Variants in BBOX1 observed in about 807,000 individuals in gnomAD.
The protein encoded by BBOX1 is gamma-butyrobetaine dioxygenase.
BBOX1 carries 35 observed loss-of-function variants against 41.6 expected under a neutral mutation model. The ratio of observed to expected loss-of-function variants is 0.84; its 90% CI spans 0.64 to 1.11. The LOEUF is 1.11. Ranked by LOEUF, BBOX1 falls within the 50% of genes most tolerant of loss-of-function variation. BBOX1 has a pLI of 0.00. For missense variants in BBOX1, 458 were observed against 460.6 expected (o/e 0.99, Z 0.05); for synonymous variants, 163 against 154.7 (o/e 1.05, Z -0.40).
chr11:27,077,802 A>C (rs1857686090), intron 4 of BBOX1, among the ~76,000 whole-genome samples: 1 of 151,956 alleles, frequency 6.6e-6, no homozygotes, highest in South Asian at 2.1e-4. Flanking sequence ...TTATGGAGGG[A>C]AAGATTATAT....
chr11:27,091,514 T>G (rs1238444300), intron 4 of BBOX1, among the ~76,000 whole-genome samples: 1 of 151,966 alleles, frequency 6.6e-6, no homozygotes, highest in African/African-American at 2.4e-5. Context: ...CTGTTATTGA[T>G]TTAACCAACT....
At chr11:27,116,431 C>A (rs1859263671) in intron 6 of BBOX1, among the ~76,000 whole-genome samples, 1 of 151,156 alleles carries the variant, frequency 6.6e-6, no homozygotes, top group South Asian at 2.1e-4. Flanking sequence ...ATGTAACAAA[C>A]CTGCACATTC....
chr11:27,123,274 CT>C (rs1249072604), intron 7 of BBOX1, among the ~76,000 whole-genome samples: 3 of 151,750 alleles, frequency 2.0e-5, no homozygotes, highest in Non-Finnish European at 2.9e-5. Flanking sequence ...AAATGAAAGC[CT>C]AATCTAGTAT....
At position 27,110,503 on chromosome 11, in the gene BBOX1, CA is replaced by C. The variant is rs553483387; in HGVS notation, c.534-4946del. Among the ~76,000 whole-genome samples, 357 of 152,096 alleles carry C rather than the reference CA, an allele frequency of 2.3e-3. 3 individuals are homozygous for C. Among genetic ancestry groups the C allele is most frequent in the South Asian group, 0.016 (79 of 4,828 alleles). ...ACCTTGTTCTGCCCTTGTTCTTCCA[CA>C]AATACACTAAACATACTCCGAACTC... On this transcript the variant is annotated intron_variant, in intron 5 of 8. Transcript: ENST00000263182.
chr11:27,070,416 A>AT (rs1857406483), intron 4 of BBOX1, among the ~76,000 whole-genome samples: 1 of 152,076 alleles, frequency 6.6e-6, no homozygotes, highest in African/African-American at 2.4e-5. Flanking sequence ...TCTAACAGTA[A>AT]TTGTTTTATA....
At chr11:27,047,568 C>G (rs950071617) in intron 2 of BBOX1, among the ~76,000 whole-genome samples, 2 of 151,944 alleles carry the variant, frequency 1.3e-5, no homozygotes, top group African/African-American at 4.8e-5. Context: ...AAAAAATTTT[C>G]AAACACATGA....
intron 4 of BBOX1, among the ~76,000 whole-genome samples, chr11:27,090,829 C>G (rs993665616): frequency 6.6e-6 from 1 of 151,880 alleles, no homozygotes; most frequent in Admixed American, 6.6e-5. Context: ...GCATTCCTTT[C>G]CCAGGGTATT....
chr11:27,055,256 C>T (rs568201060), intron 2 of BBOX1, 137 bp from the exon 3 acceptor site: 78 of 570,322 alleles, frequency 1.4e-4, no homozygotes, highest in Non-Finnish European at 2.0e-4. Context: ...AAGGTCCCAG[C>T]GTCAATAAGT....
chr11:27,092,096 C>G (rs1858266794), intron 4 of BBOX1, among the ~76,000 whole-genome samples: 1 of 151,940 alleles, frequency 6.6e-6, no homozygotes, highest in African/African-American at 2.4e-5. Flanking sequence ...ACAAAAATTC[C>G]TATTTCTGCA....
intron 5 of BBOX1, among the ~76,000 whole-genome samples, chr11:27,112,117 A>C (rs892865324): frequency 1.1e-4 from 16 of 151,940 alleles, no homozygotes; most frequent in African/African-American, 3.9e-4. Context: ...TACTCAATGA[A>C]GTCCAGACTG....
chr11:27,044,722 T>C (rs1851441277), intron 2 of BBOX1, among the ~76,000 whole-genome samples: 3 of 152,222 alleles, frequency 2.0e-5, no homozygotes, highest in Admixed American at 1.3e-4. Context: ...TTTGTCAGGT[T>C]TGTCAAAGAT....
intron 4 of BBOX1, among the ~76,000 whole-genome samples, chr11:27,084,143 A>G (rs1327298054): frequency 6.6e-6 from 1 of 152,184 alleles, no homozygotes; most frequent in Non-Finnish European, 1.5e-5. Context: ...AGGCATGGGT[A>G]GCCTGAGCAC....
At chr11:27,075,710 C>G (rs767915106) in intron 4 of BBOX1, among the ~76,000 whole-genome samples, 3 of 152,152 alleles carry the variant, frequency 2.0e-5, no homozygotes, top group Non-Finnish European at 2.9e-5. Context: ...CAAGTAGAGA[C>G]GAATTGTGAC....
chr11:27,107,553 C>T (rs969024112), intron 5 of BBOX1, among the ~76,000 whole-genome samples: 83 of 152,042 alleles, frequency 5.5e-4, no homozygotes, highest in Admixed American at 2.0e-4. Flanking sequence ...GGTCCCATAC[C>T]TCTACTTCAG....
At chr11:27,087,623 C>G (rs1858091203) in intron 4 of BBOX1, among the ~76,000 whole-genome samples, 1 of 152,034 alleles carries the variant, frequency 6.6e-6, no homozygotes, top group Non-Finnish European at 1.5e-5. Context: ...CGCAGTAACT[C>G]CAAGGGTATG....
chr11:27,118,042 T>G (rs1168091265), intron 6 of BBOX1, among the ~76,000 whole-genome samples: 1 of 151,990 alleles, frequency 6.6e-6, no homozygotes, highest in African/African-American at 2.4e-5. Flanking sequence ...TTTATAGATT[T>G]TATCGTACTT....
intron 4 of BBOX1, chr11:27,063,186 A>G (rs1315762167): frequency 1.3e-5 from 2 of 152,280 alleles, no homozygotes; most frequent in East Asian, 3.9e-4. Flanking sequence ...GTCTCTCTCA[A>G]CTGAAATCCT....
In BBOX1 at chr11:27,105,815, GAA is replaced by G. The variant is rs560835612; in HGVS notation, c.534-9632_534-9631del. On this transcript the variant is annotated intron_variant, in intron 5 of 8. Transcript: ENST00000263182. ...CAGATTCACCAAAGTTGAAATGAAG[GAA>G]AAAATGTTAAGGGTAGCCAGAGAGA... Among the ~76,000 whole-genome samples, 50 of 152,144 alleles carry G rather than the reference GAA, an allele frequency of 3.3e-4. No homozygotes were observed. The South Asian group carries it at 0.01, about 32-fold the overall frequency.
intron 7 of BBOX1, among the ~76,000 whole-genome samples, chr11:27,121,352 C>A (rs1859457274): frequency 6.6e-6 from 1 of 152,102 alleles, no homozygotes; most frequent in Non-Finnish European, 1.5e-5. Context: ...AACATTTACT[C>A]TGAGTGAAGT....
Sources: gnomAD v4.1 joint callset for allele counts (sites outside exome capture counted in the v4.1 genomes callset) on GRCh38, gnomAD v4.1.1 for gene constraint, MANE v1.5 for transcripts, NCBI Gene and HGNC (gene_info 2026-07-23, HGNC 2026-07-21) for gene names.